ZNF518A: variants seen among roughly 807,000 people sequenced by gnomAD.
The protein encoded by ZNF518A is zinc finger protein 518.
In ZNF518A, 47 loss-of-function variants were observed where a neutral mutation model predicts 102.7. The ratio of observed to expected loss-of-function variants is 0.46; its 90% CI spans 0.36 to 0.58. ZNF518A has a LOEUF of 0.58. ZNF518A is among the 20% of genes least tolerant of loss of function. The pLI is 0.00. For synonymous variants in ZNF518A, 652 were observed against 594.6 expected (o/e 1.10, Z -1.40); for missense variants, 1,793 against 1,699.8 (o/e 1.05, Z -0.96).
intron 3 of ZNF518A, among the ~76,000 whole-genome samples, chr10:96,154,486 T>A (rs779663903): frequency 7.3e-4 from 110 of 151,120 alleles, no homozygotes; most frequent in Non-Finnish European, 1.1e-3. Context: ...TCTTTTCTCT[T>A]AACAAAGCAG....
chr10:96,135,609 G>A (rs1484423628), intron 3 of ZNF518A, among the ~76,000 whole-genome samples: 3 of 152,288 alleles, frequency 2.0e-5, no homozygotes, highest in East Asian at 1.9e-4. Flanking sequence ...CAACTGCCTG[G>A]ATAGGCAAGA....
In ZNF518A at chr10:96,160,296, G is replaced by A; in HGVS notation, c.3974G>A (p.Arg1325Lys). ...SRPRLSKDSI[R>K]TLRLFPFSSK... ...CCTAGGCTTTCAAAAGATTCCATCAGAACTTTGCGGCTTTTCCCTTTTAGT... is the reference window on the plus strand; with the variant it reads ...CCTAGGCTTTCAAAAGATTCCATCAAAACTTTGCGGCTTTTCCCTTTTAGT... Residue 1325 changes from arginine to lysine, a missense_variant, in exon 6 of 6, where the codon AGA becomes AAA. Physicochemically the swap from Arg to Lys is conservative, Grantham distance 26. Coordinates refer to ENST00000316045, the MANE Select transcript of ZNF518A (RefSeq NM_001330736.2). 1 of 1,613,646 alleles carries A rather than the reference G, an allele frequency of 6.2e-7. No homozygotes were observed. Among genetic ancestry groups the A allele is most frequent in the Non-Finnish European group, 8.5e-7 (1 of 1,179,698 alleles).
downstream of ZNF518A, among the ~76,000 whole-genome samples, chr10:96,167,819 G>T (rs2083151168): frequency 1.3e-5 from 2 of 152,186 alleles, no homozygotes; most frequent in African/African-American, 4.8e-5. Flanking sequence ...GTAAGTATTT[G>T]TGATAATTCT....
intron 1 of ZNF518A, among the ~76,000 whole-genome samples, chr10:96,180,475 C>A (rs587692499): frequency 6.6e-6 from 1 of 152,116 alleles, no homozygotes; most frequent in African/African-American, 2.4e-5. Context: ...AGGTATTTCT[C>A]CTAATGCTAT....
chr10:96,154,314 G>A (rs1411296674), intron 3 of ZNF518A, among the ~76,000 whole-genome samples: 1 of 152,120 alleles, frequency 6.6e-6, no homozygotes, highest in Non-Finnish European at 1.5e-5. Context: ...CAGCCTGAGC[G>A]ACAGAGTGAG....
At chr10:96,145,502 A>G (rs781802139) in intron 3 of ZNF518A, among the ~76,000 whole-genome samples, 1 of 152,248 alleles carries the variant, frequency 6.6e-6, no homozygotes, top group African/African-American at 2.4e-5. Flanking sequence ...CACTTCTCTT[A>G]TAGCATGAAT....
intron 1 of ZNF518A, chr10:96,190,308 C>G: frequency 3.2e-6 from 2 of 621,508 alleles, no homozygotes; most frequent in South Asian, 3.3e-5. Flanking sequence ...GATGGAATCA[C>G]GCCAGTAGTA....
chr10:96,172,416 G>A (rs1284332250), intron 1 of ZNF518A, among the ~76,000 whole-genome samples: 2 of 151,876 alleles, frequency 1.3e-5, no homozygotes, highest in Non-Finnish European at 2.9e-5. Flanking sequence ...TAGTAAATAA[G>A]AAGGCTCATA....
chr10:96,158,968 A>G lies in ZNF518A; in HGVS notation c.2646A>G (p.Ser882=). ...ATTCAGAGAAGATGCCTAGAATTTC[A>G]GGTTTTGGCACATTACTTAAGACTC... The part of the protein sequence containing the change: ...VRDSEKMPRI[S]GFGTLLKTQS... The change falls in exon 6 of 6, where the codon TCA becomes TCG. Residue 882 remains serine (S), a synonymous_variant. Coordinates refer to ENST00000316045, the MANE Select transcript of ZNF518A (RefSeq NM_001330736.2). 2 of 1,613,608 alleles carry G rather than the reference A, an allele frequency of 1.2e-6. No homozygotes were observed. The highest frequency in any genetic ancestry group is 1.1e-5 in the South Asian group (1 of 91,000).
intron 3 of ZNF518A, among the ~76,000 whole-genome samples, chr10:96,146,870 G>GGT (rs1554878706): frequency 6.6e-6 from 1 of 152,168 alleles, no homozygotes. Context: ...ACAGTGAAAA[G>GGT]GTAACAGTGC....
chr10:96,191,235 CTTTT>C (rs34920263), intron 1 of ZNF518A, among the ~76,000 whole-genome samples: 69 of 130,260 alleles, frequency 5.3e-4, no homozygotes, highest in Admixed American at 2.2e-3. Context: ...CATTAAACCT[CTTTT>C]TTTTTTTTTT....
chr10:96,132,125 C>T (rs1390749850), intron 1 of ZNF518A, among the ~76,000 whole-genome samples: 2 of 151,412 alleles, frequency 1.3e-5, no homozygotes, highest in South Asian at 2.1e-4. Flanking sequence ...AAGGTTTTAA[C>T]ACCGTCTTGA....
chr10:96,183,179 A>AT (rs1591279245), intron 1 of ZNF518A, among the ~76,000 whole-genome samples: 1 of 152,076 alleles, frequency 6.6e-6, no homozygotes, highest in South Asian at 2.1e-4. Flanking sequence ...CCCCTTTATC[A>AT]TTTTTTATTG....
Position 96,158,412 on chromosome 10 carries a change from T to C in ZNF518A, c.2090T>C (p.Leu697Ser). ...RQESSKPDSL[L>S]ASISLLNDKD... ...GAGAGCTCAAAACCAGATAGCCTAT[T>C]AGCATCTATTAGCCTTTTAAATGAT... The change falls in exon 6 of 6, where the codon TTA becomes TCA. Residue 697 changes from leucine (L) to serine (S), a missense_variant. By Grantham distance (145) the Leu-to-Ser change is moderately radical. Around this residue, in one of 3 missense-constraint regions of ZNF518A, gnomAD observed 1,741 missense variants for 1,622.6 expected, o/e 1.07. Coordinates refer to ENST00000316045, the MANE Select transcript of ZNF518A (RefSeq NM_001330736.2). 1.2e-6 allele frequency: 2 copies of C among 1,613,518 alleles called. No homozygotes were observed. Among genetic ancestry groups the C allele is most frequent in the African/African-American group, 1.3e-5 (1 of 75,034 alleles).
rs1374235409 is a variant in ZNF518A at position 96,162,657 on chromosome 10, C to T, written c.*1883C>T. On this transcript the variant is annotated 3_prime_UTR_variant, in exon 6 of 6. Coordinates refer to ENST00000316045, the MANE Select transcript of ZNF518A (RefSeq NM_001330736.2). Reference sequence around the variant, plus strand: ...ATATACAGTATATATTAATAATGTACATGGTGTTTAAAGAATGGTAAGCAT... The same window carrying T: ...ATATACAGTATATATTAATAATGTATATGGTGTTTAAAGAATGGTAAGCAT... 1 of 165,910 alleles carries T rather than the reference C, an allele frequency of 6.0e-6. No homozygotes were observed. Among genetic ancestry groups the T allele is most frequent in the Non-Finnish European group, 1.5e-5 (1 of 67,992 alleles). 10.3% of individuals were successfully genotyped at this position (165,910 alleles called of 1,614,324 possible).
At chr10:96,192,240 C>T (rs2083345138) in intron 1 of ZNF518A, 2 of 1,121,308 alleles carry the variant, frequency 1.8e-6, no homozygotes, top group East Asian at 5.2e-5. Flanking sequence ...TTAACAAAGG[C>T]TGTAACCTTC....
chr10:96,130,157 T>G (rs1290181855), upstream of ZNF518A: 3 of 152,784 alleles, frequency 2.0e-5, no homozygotes, highest in African/African-American at 7.2e-5. Flanking sequence ...CCTTTTAGGA[T>G]GTCAGAACTT....
Position 96,159,606 on chromosome 10 carries a change from A to G in ZNF518A, c.3284A>G (p.Tyr1095Cys). Residue 1095 changes from tyrosine to cysteine, a missense_variant, in exon 6 of 6, where the codon TAT (tyrosine) becomes TGT (cysteine). Tyr to Cys is a radical substitution (Grantham distance 194). Around this residue, in one of 3 missense-constraint regions of ZNF518A, gnomAD observed 1,741 missense variants for 1,622.6 expected, o/e 1.07. Transcript: ENST00000316045. ...QNEIFPKPPL[Y>C]TFLPDGKQAV... ...GAGATTTTTCCAAAACCACCTCTTT[A>G]TACCTTCTTGCCTGATGGCAAACAA... 1.2e-6 allele frequency: 2 copies of G among 1,613,890 alleles called. No homozygotes were observed. Among genetic ancestry groups the G allele is most frequent in the South Asian group, 2.2e-5 (2 of 91,080 alleles).
chr10:96,138,217 A>G (rs1554875251), intron 3 of ZNF518A, among the ~76,000 whole-genome samples: 1 of 152,226 alleles, frequency 6.6e-6, no homozygotes, highest in Admixed American at 6.5e-5. Flanking sequence ...CAAGTGATAG[A>G]AGTAATTCGA....
Sources: gnomAD v4.1 joint callset for allele counts (sites outside exome capture counted in the v4.1 genomes callset) on GRCh38, gnomAD v4.1.1 for gene constraint, gnomAD v4.1.1 regional missense constraint, MANE v1.5 for transcripts, NCBI Gene and HGNC (gene_info 2026-07-23, HGNC 2026-07-21) for gene names.